The following HS3ST4 variants were observed in gnomAD, a reference collection of about 807,000 sequenced individuals.
HS3ST4 encodes heparan sulfate-glucosamine 3-sulfotransferase 4.
A neutral mutation model predicts 29.2 loss-of-function variants in HS3ST4; 17 were observed. That is an observed-to-expected ratio of 0.58 (90% CI 0.40 to 0.87). The LOEUF (loss-of-function observed/expected upper bound fraction) is 0.87, where lower values mean the gene tolerates loss of function less well. HS3ST4 is among the 40% of genes least tolerant of loss of function. The pLI is 0.00. For missense variants in HS3ST4, 627 were observed against 634.5 expected, an observed-to-expected ratio of 0.99 and a Z score of 0.13; for synonymous variants, 314 against 285.7, an observed-to-expected ratio of 1.10 and a Z score of -1.00.
chr16:26,032,466 A>C, intron 1 of HS3ST4: 4 of 986,208 alleles, frequency 4.1e-6, no homozygotes, highest in South Asian at 4.0e-5. Flanking sequence ...ACATTTTTAT[A>C]AAACTTGATA....
intron 1 of HS3ST4, among the ~76,000 whole-genome samples, chr16:26,066,461 C>T (rs1201230975): frequency 6.6e-6 from 1 of 152,184 alleles, no homozygotes; most frequent in Non-Finnish European, 1.5e-5. Flanking sequence ...AAATATTCTA[C>T]ATAAGAAATG....
At chr16:26,036,485 C>T (rs1969584619) in intron 1 of HS3ST4, among the ~76,000 whole-genome samples, 1 of 152,306 alleles carries the variant, frequency 6.6e-6, no homozygotes, top group East Asian at 1.9e-4. Flanking sequence ...TGTATCAGAT[C>T]TCCTGGTGTT....
In HS3ST4 at chr16:26,127,728, A is replaced by C. The variant is rs555248910; in HGVS notation, c.735-7884A>C. On this transcript the variant is annotated intron_variant, in intron 1 of 1. Transcript: ENST00000331351. The stretch of plus-strand genomic sequence containing the variant: ...ATTACTCACGGATATCATGGGGAAT[A>C]ATGAGTATCTACCTTCTCAGCCTGC... 5.3e-5 allele frequency among the ~76,000 whole-genome samples: 8 copies of C among 152,312 alleles called. No individual in the cohort carries two copies. In the East Asian group the frequency reaches 1.4e-3, roughly 26 times the overall value.
chr16:25,991,991 G>A (rs922108889), intron 1 of HS3ST4, among the ~76,000 whole-genome samples: 14 of 152,090 alleles, frequency 9.2e-5, no homozygotes, highest in Non-Finnish European at 1.2e-4. Flanking sequence ...ACTGCACTCC[G>A]GCCTGGGCGA....
At chr16:25,981,385 G>GCCAACCCCA (rs1969003651) in intron 1 of HS3ST4, among the ~76,000 whole-genome samples, 4 of 151,988 alleles carry the variant, frequency 2.6e-5, no homozygotes, top group African/African-American at 9.7e-5. Context: ...TTTGGAATTG[G>GCCAACCCCA]TTGGTTTCCA....
At chr16:25,987,349 C>CAA (rs113401468) in intron 1 of HS3ST4, among the ~76,000 whole-genome samples, 5 of 118,642 alleles carry the variant, frequency 4.2e-5, no homozygotes, top group African/African-American at 1.5e-4. Context: ...AACTCCAACT[C>CAA]AAAAAAAAAA....
Position 25,811,009 on chromosome 16 carries a change from G to A in HS3ST4, c.734+117858G>A, listed in dbSNP as rs117836648. ...CTTTAATCTTCAGCTTCTTCTTTTG[G>A]AGAATGACAATGATGGCACTTGATT... On this transcript the variant is annotated intron_variant, in intron 1 of 1. Transcript: ENST00000331351. 5.9e-3 allele frequency among the ~76,000 whole-genome samples: 898 copies of A among 152,262 alleles called. 3 individuals carry two copies. The highest frequency in any genetic ancestry group is 9.7e-3 in the Non-Finnish European group (657 of 68,024).
chr16:25,757,712 G>T (rs1257163804), intron 1 of HS3ST4, among the ~76,000 whole-genome samples: 1 of 151,806 alleles, frequency 6.6e-6, no homozygotes, highest in Non-Finnish European at 1.5e-5. Flanking sequence ...AATTTAGAGG[G>T]AACATCAAAC....
intron 1 of HS3ST4, among the ~76,000 whole-genome samples, chr16:25,767,167 A>T (rs1221655789): frequency 6.6e-6 from 1 of 152,168 alleles, no homozygotes; most frequent in Non-Finnish European, 1.5e-5. Context: ...GGTTGGGGGA[A>T]CTTTAGCTTC....
chr16:25,704,909 C>T (rs1966364966), intron 1 of HS3ST4, among the ~76,000 whole-genome samples: 1 of 150,554 alleles, frequency 6.6e-6, no homozygotes, highest in African/African-American at 2.4e-5. Flanking sequence ...GTAGAGAAGA[C>T]ATCTTGCTCT....
chr16:25,998,922 T>C (rs1969179702), intron 1 of HS3ST4, among the ~76,000 whole-genome samples: 1 of 152,190 alleles, frequency 6.6e-6, no homozygotes, highest in African/African-American at 2.4e-5. Context: ...ACAGGTTAAA[T>C]GACATAAGCA....
chr16:25,891,037 C>T (rs916356144), intron 1 of HS3ST4, among the ~76,000 whole-genome samples: 1 of 152,118 alleles, frequency 6.6e-6, no homozygotes, highest in African/African-American at 2.4e-5. Flanking sequence ...CAAGTTCAGT[C>T]TAGCTGGTAG....
intron 1 of HS3ST4, among the ~76,000 whole-genome samples, chr16:26,018,689 G>A (rs1211640311): frequency 2.0e-5 from 3 of 152,080 alleles, no homozygotes; most frequent in Admixed American, 2.0e-4. Flanking sequence ...TTACACCAAG[G>A]ATCACAAGCA....
chr16:25,705,759 T>G (rs1966372118), intron 1 of HS3ST4, among the ~76,000 whole-genome samples: 1 of 152,236 alleles, frequency 6.6e-6, no homozygotes, highest in Non-Finnish European at 1.5e-5. Flanking sequence ...TTCTGCACCT[T>G]GTGGGACTTG....
At chr16:26,059,708 C>T (rs905936586) in intron 1 of HS3ST4, among the ~76,000 whole-genome samples, 2 of 152,184 alleles carry the variant, frequency 1.3e-5, no homozygotes, top group Non-Finnish European at 2.9e-5. Flanking sequence ...AAATTGGTTA[C>T]TCCAGGAAGG....
chr16:25,927,888 T>A (rs187153111), intron 1 of HS3ST4, among the ~76,000 whole-genome samples: 2 of 152,118 alleles, frequency 1.3e-5, no homozygotes, highest in Non-Finnish European at 2.9e-5. Flanking sequence ...GTCTCTGTTC[T>A]GATTAATCAT....
At chr16:26,093,958 G>A (rs185416211) in intron 1 of HS3ST4, among the ~76,000 whole-genome samples, 186 of 152,266 alleles carry the variant, frequency 1.2e-3, no homozygotes, top group African/African-American at 4.1e-3. Context: ...CAAGAACTTC[G>A]TGATGCATGC....
At chr16:25,813,657 T>C (rs113829154) in intron 1 of HS3ST4, among the ~76,000 whole-genome samples, 1 of 152,184 alleles carries the variant, frequency 6.6e-6, no homozygotes, top group East Asian at 1.9e-4. Flanking sequence ...ACAACCACTT[T>C]GGAGAACTGT....
chr16:26,032,269 A>T (rs1969537991), intron 1 of HS3ST4, among the ~76,000 whole-genome samples: 1 of 152,174 alleles, frequency 6.6e-6, no homozygotes, highest in Non-Finnish European at 1.5e-5. Context: ...AAAGTCAGGG[A>T]ATCCCTCCTC....
Sources: gnomAD v4.1 joint callset for allele counts (sites outside exome capture counted in the v4.1 genomes callset) on GRCh38, gnomAD v4.1.1 for gene constraint, MANE v1.5 for transcripts, NCBI Gene and HGNC (gene_info 2026-07-23, HGNC 2026-07-21) for gene names.